Variants in SLC6A19 observed in about 807,000 individuals in gnomAD.
The protein encoded by SLC6A19 is sodium-dependent neutral amino acid transporter B(0)AT1.
Under a neutral mutation model 68.3 loss-of-function variants are expected in SLC6A19, and 67 were observed. That is an observed-to-expected ratio of 0.98 (90% CI 0.81 to 1.20). The LOEUF (loss-of-function observed/expected upper bound fraction) is 1.20. Ranked by LOEUF, SLC6A19 falls within the 50% of genes most tolerant of loss-of-function variation. The pLI is 0.00. For synonymous variants in SLC6A19, 392 were observed against 374.9 expected (o/e 1.05, Z -0.53); for missense variants, 813 against 851.6 (o/e 0.95, Z 0.56).
Position 1,212,469 on chromosome 5 carries a change from C to T in SLC6A19, c.648C>T (p.Ile216=), listed in dbSNP as rs775407906. ...SVLYMCTIRG[I]ETTGKAVYIT... is the part of the protein sequence containing the mutation. ...TGTACATGTGCACCATCCGCGGCAT[C>T]GAGACCACCGGGAAGGTACTGCATG... Residue 216 remains isoleucine, a synonymous_variant, in exon 4 of 12, where the codon ATC becomes ATT. Transcript: ENST00000304460. The surrounding 1 kb of genome is among the most constrained non-coding windows in gnomAD (Gnocchi z 5.1). 3.4e-5 allele frequency: 55 copies of T among 1,607,432 alleles called. No individual in the cohort carries two copies. The highest frequency in any genetic ancestry group is 5.0e-5 in the Admixed American group (3 of 59,978).
chr5:1,210,062 G>T (rs897504336), intron 2 of SLC6A19, among the ~76,000 whole-genome samples: 1 of 152,238 alleles, frequency 6.6e-6, no homozygotes, highest in African/African-American at 2.4e-5. Flanking sequence ...CCCCCAGCCC[G>T]TAGGCAGCAA....
Position 1,201,596 on chromosome 5 carries a change from C to T in SLC6A19, c.-55C>T, listed in dbSNP as rs1446637651. On this transcript the variant is annotated 5_prime_UTR_variant, in exon 1 of 12. Transcript: ENST00000304460. Reference sequence around the variant, plus strand: ...GTGCCCGGCTCCCGGCCCACGGCCACTCGCCCTCCAGCTTCTGCCCTGCCT... The same window carrying T: ...GTGCCCGGCTCCCGGCCCACGGCCATTCGCCCTCCAGCTTCTGCCCTGCCT... The T allele has an allele frequency of 1.3e-6, 2 of 1,567,104 alleles. No homozygotes were observed. Among genetic ancestry groups the T allele is most frequent in the East Asian group, 2.3e-5 (1 of 43,242 alleles).
At chr5:1,202,419 C>T (rs891723857) in intron 1 of SLC6A19, among the ~76,000 whole-genome samples, 4 of 152,188 alleles carry the variant, frequency 2.6e-5, no homozygotes, top group African/African-American at 9.7e-5. Context: ...GACTGCTCCT[C>T]GTTCCTCTGG....
Position 1,224,592 on chromosome 5 carries a change from A to C in SLC6A19, c.*2688A>C, listed in dbSNP as rs1420731902. ...ATCTTCTTCCCTCACACTTCCTCTC[A>C]CTCAAATAAGAACCTTCCAAAAATG... On this transcript the variant is annotated 3_prime_UTR_variant, in exon 12 of 12. Transcript: ENST00000304460. 6.6e-6 allele frequency: 1 copy of C among 152,234 alleles called. No individual in the cohort carries two copies. The highest frequency in any genetic ancestry group is 1.5e-5 in the Non-Finnish European group (1 of 68,108). 9.4% of individuals were successfully genotyped at this position (152,234 alleles called of 1,614,324 possible). A position where few individuals can be genotyped will look rare whatever the true frequency, so the allele number is the denominator to read the frequency against.
At position 1,208,776 on chromosome 5, in the gene SLC6A19, TG is replaced by T. The variant is rs762971770; in HGVS notation, c.235del (p.Val79SerfsTer33). 1 of 1,613,420 alleles carries T rather than the reference TG, an allele frequency of 6.2e-7. No individual in the cohort carries two copies. Among genetic ancestry groups the T allele is most frequent in the South Asian group, 1.1e-5 (1 of 91,084 alleles). ...GAFMIPFLILLVLEGIPLLYL... is the reference protein window; with the variant it reads ...GAFMIPFLILXVLEGIPLLYL... The stretch of plus-strand genomic sequence containing the variant: ...TTCATGATCCCGTTCCTCATCCTGC[TG>T]GTCCTGGAGGGCATCCCCCTGCTGT... On this transcript the variant is annotated frameshift_variant, in exon 2 of 12. Coordinates refer to ENST00000304460, the MANE Select transcript of SLC6A19 (RefSeq NM_001003841.3). LOFTEE classifies it high-confidence loss of function.
Position 1,216,459 on chromosome 5 carries a change from C to T in SLC6A19, c.888-99C>T, listed in dbSNP as rs943741378. 3 of 1,573,558 alleles carry T rather than the reference C, an allele frequency of 1.9e-6. No homozygotes were observed. The African/African-American group carries it at 4.0e-5, about 21-fold the overall frequency. On this transcript the variant is annotated intron_variant, in intron 6 of 11. Transcript: ENST00000304460. ...CACTCAGTGGCTCAGCCTCTCACTCCTGGGGCTGGCGCTCTGGGCGGGATG... is the reference window on the plus strand; with the variant it reads ...CACTCAGTGGCTCAGCCTCTCACTCTTGGGGCTGGCGCTCTGGGCGGGATG...
In SLC6A19 at chr5:1,214,376, G is replaced by A. The variant is rs4975631; in HGVS notation, c.887+311G>A. ...CAGTTCCCTGCTCCACACCCACATC[G>A]CTCCCAGCCCACCCCTGGGCATCCC... On this transcript the variant is annotated intron_variant, in intron 6 of 11. Transcript: ENST00000304460. The surrounding 1 kb of genome is among the most constrained non-coding windows in gnomAD (Gnocchi z 7.4). Among the ~76,000 whole-genome samples the A allele has an allele frequency of 0.17, 26,282 of 151,978 alleles. 2,615 individuals are homozygous for A. The highest frequency in any genetic ancestry group is 0.21 in the Non-Finnish European group (14,240 of 67,908).
intron 2 of SLC6A19, 21 bp from the exon 3 acceptor site, chr5:1,210,423 T>G: frequency 6.2e-7 from 1 of 1,612,144 alleles, no homozygotes; most frequent in Non-Finnish European, 8.5e-7. Context: ...GCCCCAAGCC[T>G]CAGCAGCAGC....
At chr5:1,203,161 AT>A (rs1745762726) in intron 1 of SLC6A19, among the ~76,000 whole-genome samples, 1 of 152,090 alleles carries the variant, frequency 6.6e-6, no homozygotes, top group Non-Finnish European at 1.5e-5. Context: ...GGGCAGACAC[AT>A]GCCTCCTGGG....
At chr5:1,219,429 G>T in intron 9 of SLC6A19, 76 bp from the exon 10 acceptor site, 1 of 1,587,108 alleles carries the variant, frequency 6.3e-7, no homozygotes, top group Non-Finnish European at 8.5e-7. Flanking sequence ...GCAGCCCCCA[G>T]TTGTGTGAAC....
chr5:1,212,597 T>C lies in SLC6A19; in HGVS notation c.663+113T>C, dbSNP rs1561165196. 5 of 1,360,292 alleles carry C rather than the reference T, an allele frequency of 3.7e-6. No homozygotes were observed. Among genetic ancestry groups the C allele is most frequent in the Non-Finnish European group, 5.1e-6 (5 of 979,684 alleles). 84.3% of individuals were successfully genotyped at this position (1,360,292 alleles called of 1,614,324 possible). A position where few individuals can be genotyped will look rare whatever the true frequency, so the allele number is the denominator to read the frequency against. On this transcript the variant is annotated intron_variant, in intron 4 of 11. Coordinates refer to ENST00000304460, the MANE Select transcript of SLC6A19 (RefSeq NM_001003841.3). This position sits in a 1 kb window ranked among gnomAD's most constrained non-coding sequence, Gnocchi z 5.1. ...GGTCTGGGGGTCCCGGGCTCTGCCT[T>C]TCCCCAGACCCCACCAAGAGAGCTG... is the stretch of plus-strand genomic sequence containing the variant.
At chr5:1,211,861 A>G (rs891034063) in intron 3 of SLC6A19, among the ~76,000 whole-genome samples, 1 of 140,282 alleles carries the variant, frequency 7.1e-6, no homozygotes, top group Non-Finnish European at 1.5e-5. Flanking sequence ...AGGTGCATGG[A>G]CCAGATGTGC....
At position 1,212,362 on chromosome 5, in the gene SLC6A19, C is replaced by T. The variant is rs1318200006; in HGVS notation, c.541C>T (p.Leu181Phe). 1.2e-6 allele frequency: 2 copies of T among 1,613,500 alleles called. No individual in the cohort carries two copies. The highest frequency in any genetic ancestry group is 8.5e-7 in the Non-Finnish European group (1 of 1,179,962). Reference protein sequence around the residue: ...PVDYFWYRETLNISTSISDSG... With the variant: ...PVDYFWYRETFNISTSISDSG... Reference sequence around the variant, plus strand: ...GGACTACTTCTGGTACCGAGAGACGCTCAACATCTCCACGTCCATCAGCGA... The same window carrying T: ...GGACTACTTCTGGTACCGAGAGACGTTCAACATCTCCACGTCCATCAGCGA... Residue 181 changes from leucine to phenylalanine, a missense_variant, in exon 4 of 12, where the codon CTC becomes TTC. Transcript: ENST00000304460. The surrounding 1 kb of genome is among the most constrained non-coding windows in gnomAD (Gnocchi z 5.1).
Position 1,213,481 on chromosome 5 carries a change from A to T in SLC6A19, c.682A>T (p.Thr228Ser), listed in dbSNP as rs1579513806. ...TTGKAVYITS[T>S]LPYVVLTIFL... ...TCCGCAGGCCGTGTACATCACCTCC[A>T]CGCTGCCCTATGTCGTCCTGACCAT... Residue 228 changes from threonine to serine, a missense_variant, in exon 5 of 12, where the codon ACG becomes TCG. Coordinates refer to ENST00000304460, the MANE Select transcript of SLC6A19 (RefSeq NM_001003841.3). 3.3e-6 allele frequency: 5 copies of T among 1,495,412 alleles called. No individual in the cohort carries two copies. The East Asian group carries it at 1.1e-4, about 34-fold the overall frequency. The allele number at this position is 1,495,412 out of a possible 1,614,324, so 92.6% of individuals were successfully genotyped here. A position where few individuals can be genotyped will look rare whatever the true frequency, so the allele number is the denominator to read the frequency against.
At chr5:1,221,066 T>A in intron 10 of SLC6A19, 85 bp from the exon 11 acceptor site, 1 of 1,538,564 alleles carries the variant, frequency 6.5e-7, no homozygotes, top group Non-Finnish European at 8.8e-7. Flanking sequence ...GCACACCATC[T>A]GTTCGGGTAG....
chr5:1,217,565 T>A (rs1247266636), intron 8 of SLC6A19, among the ~76,000 whole-genome samples: 1 of 152,140 alleles, frequency 6.6e-6, no homozygotes, highest in Admixed American at 6.5e-5. Flanking sequence ...CAGTGGCCAC[T>A]GGGAGAAGAG....
intron 1 of SLC6A19, among the ~76,000 whole-genome samples, chr5:1,204,420 G>A (rs1745795923): frequency 6.6e-6 from 1 of 152,236 alleles, no homozygotes; most frequent in Non-Finnish European, 1.5e-5. Flanking sequence ...GCCCCCCGAG[G>A]GTGGTGCTGG....
In SLC6A19 at chr5:1,213,872, C is replaced by T. The variant is rs535714329; in HGVS notation, c.775-81C>T. The T allele has an allele frequency of 1.0e-4, 158 of 1,580,978 alleles. 1 individual carries two copies. Among genetic ancestry groups the T allele is most frequent in the South Asian group, 4.3e-4 (39 of 90,344 alleles). The stretch of plus-strand genomic sequence containing the variant: ...CCACCCCAATAGCCTCGACCCTCCC[C>T]GCCTCCCTGGGAGCACACCCTCCCA... On this transcript the variant is annotated intron_variant, in intron 5 of 11. Coordinates refer to ENST00000304460, the MANE Select transcript of SLC6A19 (RefSeq NM_001003841.3).
intron 1 of SLC6A19, among the ~76,000 whole-genome samples, chr5:1,202,900 G>A (rs2126489683): frequency 6.6e-6 from 1 of 152,268 alleles, no homozygotes; most frequent in Non-Finnish European, 1.5e-5. Context: ...GGCGCTTCAT[G>A]AGCCTCTGGT....
Sources: gnomAD v4.1 joint callset for allele counts (sites outside exome capture counted in the v4.1 genomes callset) on GRCh38, gnomAD v4.1.1 for gene constraint, Gnocchi (gnomAD v3.1) non-coding constraint, MANE v1.5 for transcripts, NCBI Gene and HGNC (gene_info 2026-07-23, HGNC 2026-07-21) for gene names.